MAP2K4: variants seen among roughly 807,000 people sequenced by gnomAD.
MAP2K4 encodes mitogen-activated protein kinase kinase 4.
A neutral mutation model predicts 48.5 loss-of-function variants in MAP2K4; 4 were observed. The observed-to-expected ratio is 0.08, with a 90% confidence interval of 0.04 to 0.19. The LOEUF (loss-of-function observed/expected upper bound fraction) is 0.19, where lower values mean the gene tolerates loss of function less well. Ranked by LOEUF, MAP2K4 falls within the 10% of genes least tolerant of loss-of-function variation. MAP2K4 has a pLI of 1.00. For synonymous variants in MAP2K4, 166 were observed against 173.1 expected, an observed-to-expected ratio of 0.96 and a Z score of 0.32; for missense variants, 258 against 493.3, an observed-to-expected ratio of 0.52 and a Z score of 4.52.
chr17:12,138,662 A>T (rs1973282226), intron 9 of MAP2K4, among the ~76,000 whole-genome samples: 1 of 152,174 alleles, frequency 6.6e-6, no homozygotes, highest in African/African-American at 2.4e-5. Flanking sequence ...CAGAAGAAGG[A>T]TGTCACAGGT....
At position 12,110,484 on chromosome 17, in the gene MAP2K4, A is replaced by G. The variant is rs976876263; in HGVS notation, c.685+58A>G. 9 of 1,218,532 alleles carry G rather than the reference A, an allele frequency of 7.4e-6. No individual in the cohort carries two copies. In the Admixed American group the frequency reaches 1.6e-4, roughly 22 times the overall value. 75.5% of individuals were successfully genotyped at this position (1,218,532 alleles called of 1,614,324 possible). On this transcript the variant is annotated intron_variant, in intron 6 of 10. Coordinates refer to ENST00000353533, the MANE Select transcript of MAP2K4 (RefSeq NM_003010.4). ...ATTAACTTTTTTCTCCTAATTGGTG[A>G]AACGGTTATTGAAAATTACAGTGTC...
intron 3 of MAP2K4, among the ~76,000 whole-genome samples, chr17:12,086,513 A>G (rs1380821803): frequency 1.3e-5 from 2 of 152,196 alleles, no homozygotes; most frequent in African/African-American, 4.8e-5. Context: ...TTCCATTAAC[A>G]GAATTGGATG....
chr17:12,030,393 T>C (rs1322588111), intron 1 of MAP2K4, among the ~76,000 whole-genome samples: 1 of 152,208 alleles, frequency 6.6e-6, no homozygotes, highest in African/African-American at 2.4e-5. Flanking sequence ...TTCGTTCACC[T>C]GGTCACTTCA....
intron 2 of MAP2K4, among the ~76,000 whole-genome samples, chr17:12,061,051 C>T (rs1422312765): frequency 2.0e-5 from 3 of 152,148 alleles, no homozygotes; most frequent in Non-Finnish European, 4.4e-5. Context: ...AGGTACCTCT[C>T]ATAAGTGGAA....
intron 4 of MAP2K4, among the ~76,000 whole-genome samples, chr17:12,101,686 ATCT>A (rs1971942516): frequency 6.6e-6 from 1 of 152,008 alleles, no homozygotes; most frequent in South Asian, 2.1e-4. Flanking sequence ...ATTATTTTAC[ATCT>A]TCTTTAATTT....
rs183860741 is a variant in MAP2K4, at chr17:12,142,214, C to G, written c.*954C>G. 2.1e-5 allele frequency: 5 copies of G among 233,542 alleles called. No homozygotes were observed. In the East Asian group the frequency reaches 3.0e-4, roughly 14 times the overall value. 14.5% of individuals were successfully genotyped at this position (233,542 alleles called of 1,614,324 possible). A position where few individuals can be genotyped will look rare whatever the true frequency, so the allele number is the denominator to read the frequency against. On this transcript the variant is annotated 3_prime_UTR_variant, in exon 11 of 11. Transcript: ENST00000353533. The stretch of plus-strand genomic sequence containing the variant: ...TTTCCCCTTGGTCCCAAGCCTGATA[C>G]TTTAGCCATCATAACTCACTAACAG...
chr17:12,058,227 C>CT (rs144800120), intron 2 of MAP2K4, among the ~76,000 whole-genome samples: 5,402 of 130,010 alleles, frequency 0.042, 120 homozygotes, highest in Middle Eastern at 0.051. Context: ...CTAGACCTTT[C>CT]TTTTTTTTTT....
chr17:12,051,243 G>C (rs1970131673), intron 1 of MAP2K4, among the ~76,000 whole-genome samples: 1 of 152,186 alleles, frequency 6.6e-6, no homozygotes, highest in Admixed American at 6.5e-5. Context: ...TGCTTTGGAA[G>C]TGTGATGAGG....
intron 3 of MAP2K4, among the ~76,000 whole-genome samples, chr17:12,090,673 G>T (rs575331557): frequency 6.6e-6 from 1 of 152,012 alleles, no homozygotes; most frequent in Non-Finnish European, 1.5e-5. Flanking sequence ...TCCCACCCAT[G>T]AAAACAAATT....
intron 3 of MAP2K4, among the ~76,000 whole-genome samples, chr17:12,085,021 A>G (rs1971314409): frequency 6.6e-6 from 1 of 152,192 alleles, no homozygotes; most frequent in African/African-American, 2.4e-5. Flanking sequence ...GATGCCTGAC[A>G]GTATATTCTC....
intron 2 of MAP2K4, among the ~76,000 whole-genome samples, chr17:12,080,970 A>G (rs1338451112): frequency 6.6e-6 from 1 of 152,224 alleles, no homozygotes; most frequent in Non-Finnish European, 1.5e-5. Context: ...ACTTTTTCGC[A>G]ATAAGGTTTG....
At chr17:12,136,240 G>A (rs971740832) in intron 9 of MAP2K4, among the ~76,000 whole-genome samples, 1 of 152,098 alleles carries the variant, frequency 6.6e-6, no homozygotes, top group East Asian at 1.9e-4. Flanking sequence ...ACAATGGATA[G>A]TAGGAATAGA....
intron 7 of MAP2K4, among the ~76,000 whole-genome samples, chr17:12,122,992 A>T (rs1260055733): frequency 1.3e-5 from 2 of 152,140 alleles, no homozygotes; most frequent in African/African-American, 4.8e-5. Flanking sequence ...CTTGGTCATG[A>T]TACATTACCT....
chr17:12,043,205 T>G (rs1023195401), intron 1 of MAP2K4, among the ~76,000 whole-genome samples: 2 of 152,234 alleles, frequency 1.3e-5, no homozygotes, highest in Non-Finnish European at 2.9e-5. Context: ...TCCTACTTTA[T>G]CTCTAATTCA....
intron 7 of MAP2K4, among the ~76,000 whole-genome samples, chr17:12,116,367 G>A (rs969697468): frequency 2.6e-5 from 4 of 152,110 alleles, no homozygotes; most frequent in African/African-American, 9.7e-5. Flanking sequence ...GCAGGCCTAG[G>A]ATGCTACTGT....
At chr17:12,136,771 A>T (rs1973225281) in intron 9 of MAP2K4, among the ~76,000 whole-genome samples, 1 of 152,224 alleles carries the variant, frequency 6.6e-6, no homozygotes, top group African/African-American at 2.4e-5. Context: ...AAATAGAAAA[A>T]CACAAAACCA....
chr17:12,077,345 G>A (rs753157109), intron 2 of MAP2K4, among the ~76,000 whole-genome samples: 4 of 152,152 alleles, frequency 2.6e-5, no homozygotes, highest in Non-Finnish European at 4.4e-5. Flanking sequence ...CCTCCTTTGA[G>A]AATCCCTGGG....
intron 1 of MAP2K4, among the ~76,000 whole-genome samples, chr17:12,029,623 G>A (rs1366266849): frequency 3.3e-5 from 5 of 151,978 alleles, no homozygotes; most frequent in African/African-American, 7.3e-5. Context: ...TCAGAATTTC[G>A]GAGACAAGGG....
intron 3 of MAP2K4, among the ~76,000 whole-genome samples, chr17:12,092,181 A>G (rs1971584726): frequency 6.6e-6 from 1 of 152,198 alleles, no homozygotes; most frequent in South Asian, 2.1e-4. Context: ...GAGCTCAAGT[A>G]AACAGCCTTA....
Sources: allele counts gnomAD v4.1 joint callset (sites outside exome capture counted in the v4.1 genomes callset), GRCh38; gene constraint gnomAD v4.1.1; transcripts MANE v1.5; gene names NCBI Gene and HGNC (gene_info 2026-07-23, HGNC 2026-07-21).